The following SDC2 variants were observed in gnomAD, a reference collection of about 807,000 sequenced individuals.
SDC2 encodes the protein syndecan 2, also known as syndecan-2.
Under a neutral mutation model 22.2 loss-of-function variants are expected in SDC2, and 13 were observed. The ratio of observed to expected loss-of-function variants is 0.59; its 90% CI spans 0.38 to 0.93. SDC2 has a LOEUF of 0.93. Among genes scored for constraint, SDC2 ranks in the 40% least tolerant of loss-of-function variants. SDC2 has a pLI of 0.00. For missense variants in SDC2, 235 were observed against 246.8 expected (o/e 0.95, Z 0.32); for synonymous variants, 94 against 92.8 (o/e 1.01, Z -0.07).
In SDC2 at chr8:96,508,666, G is replaced by C. The variant is rs1337377898; in HGVS notation, c.60+14335G>C. Among the ~76,000 whole-genome samples, 3 of 141,648 alleles carry C rather than the reference G, an allele frequency of 2.1e-5. 1 individual carries two copies. The highest frequency in any genetic ancestry group is 1.4e-4 in the Admixed American group (2 of 14,256). The allele number at this position is 141,648 out of a possible 152,430, so 92.9% of individuals were successfully genotyped here. On this transcript the variant is annotated intron_variant, in intron 1 of 4. Transcript: ENST00000302190. ...CCACAGCCTTCTCCTACTATAGATAGGCATTTTCCATTCATTGTCTATAAC... is the reference window on the plus strand; with the variant it reads ...CCACAGCCTTCTCCTACTATAGATACGCATTTTCCATTCATTGTCTATAAC...
intron 3 of SDC2, among the ~76,000 whole-genome samples, chr8:96,606,128 G>T (rs1314130714): frequency 2.0e-5 from 3 of 152,110 alleles, no homozygotes; most frequent in African/African-American, 7.2e-5. Context: ...ATTATTGTCT[G>T]CAGTATTTTT....
intron 1 of SDC2, among the ~76,000 whole-genome samples, chr8:96,549,124 G>T (rs1042457480): frequency 3.3e-5 from 5 of 152,104 alleles, no homozygotes; most frequent in Non-Finnish European, 7.4e-5. Flanking sequence ...TCTGAGTATA[G>T]GAATCTAAAA....
chr8:96,602,318 T>C, intron 2 of SDC2, 77 bp from the exon 3 acceptor site: 1 of 1,452,082 alleles, frequency 6.9e-7, no homozygotes. Flanking sequence ...AGTGTCAACG[T>C]CAGGCAATAG....
intron 1 of SDC2, among the ~76,000 whole-genome samples, chr8:96,533,392 G>A (rs957124349): frequency 4.6e-5 from 7 of 152,188 alleles, no homozygotes; most frequent in South Asian, 2.1e-4. Context: ...TGATTGGTGC[G>A]TTTACAATCC....
chr8:96,515,737 C>T (rs571122663), intron 1 of SDC2, among the ~76,000 whole-genome samples: 5 of 152,108 alleles, frequency 3.3e-5, no homozygotes, highest in African/African-American at 7.2e-5. Context: ...CATGAGGCCA[C>T]GGGTATTGTA....
intron 1 of SDC2, among the ~76,000 whole-genome samples, chr8:96,560,329 T>G (rs918591022): frequency 6.6e-6 from 1 of 152,212 alleles, no homozygotes; most frequent in African/African-American, 2.4e-5. Flanking sequence ...TTTGTGAAAT[T>G]TATCCCCATA....
intron 4 of SDC2, among the ~76,000 whole-genome samples, 200 bp from the exon 5 acceptor site, chr8:96,609,185 C>T (rs943373927): frequency 3.9e-5 from 6 of 152,114 alleles, no homozygotes; most frequent in African/African-American, 1.4e-4. Context: ...TTAACACTAA[C>T]CAAAGAAATT....
chr8:96,562,775 A>C (rs566397222), intron 1 of SDC2, among the ~76,000 whole-genome samples: 3 of 152,286 alleles, frequency 2.0e-5, no homozygotes, highest in South Asian at 4.1e-4. Context: ...TTGTGCTTAA[A>C]TTGCCCCATT....
chr8:96,503,048 G>A (rs1314127941), intron 1 of SDC2, among the ~76,000 whole-genome samples: 1 of 152,148 alleles, frequency 6.6e-6, no homozygotes, highest in African/African-American at 2.4e-5. Flanking sequence ...GAGATATTGG[G>A]AATATGTTTG....
At chr8:96,594,440 G>C (rs1253870042) in intron 2 of SDC2, among the ~76,000 whole-genome samples, 1 of 152,150 alleles carries the variant, frequency 6.6e-6, no homozygotes, top group Admixed American at 6.5e-5. Flanking sequence ...ACAGCAAGTA[G>C]AAGTGTGCAA....
At chr8:96,579,685 A>G (rs1814559196) in intron 1 of SDC2, among the ~76,000 whole-genome samples, 1 of 152,260 alleles carries the variant, frequency 6.6e-6, no homozygotes, top group Non-Finnish European at 1.5e-5. Flanking sequence ...GTCATCTGCT[A>G]AAGAACTCTT....
At chr8:96,556,075 C>CAT (rs1814107606) in intron 1 of SDC2, among the ~76,000 whole-genome samples, 1 of 151,758 alleles carries the variant, frequency 6.6e-6, no homozygotes. Flanking sequence ...CACACACACA[C>CAT]ATTCAAATGT....
intron 1 of SDC2, among the ~76,000 whole-genome samples, chr8:96,520,696 G>A (rs182151244): frequency 3.9e-5 from 6 of 152,326 alleles, no homozygotes; most frequent in African/African-American, 1.4e-4. Context: ...GCCGGAACAG[G>A]CCTGGTGCCA....
At chr8:96,545,108 C>G (rs1219989668) in intron 1 of SDC2, among the ~76,000 whole-genome samples, 1 of 152,166 alleles carries the variant, frequency 6.6e-6, no homozygotes, top group African/African-American at 2.4e-5. Flanking sequence ...CCTCCTGTGG[C>G]TCTTATTGTC....
chr8:96,507,665 T>C (rs1210231719), intron 1 of SDC2, among the ~76,000 whole-genome samples: 1 of 152,212 alleles, frequency 6.6e-6, no homozygotes, highest in African/African-American at 2.4e-5. Context: ...AAAATCCTCA[T>C]GAATTAATAC....
intron 1 of SDC2, among the ~76,000 whole-genome samples, chr8:96,583,059 ATTT>A (rs60193555): frequency 0.021 from 2,219 of 107,240 alleles, 41 homozygotes; most frequent in East Asian, 0.058. Flanking sequence ...CTGAAGTGTG[ATTT>A]TTTTTTTTTT....
chr8:96,595,500 G>A (rs1277948770), intron 2 of SDC2, among the ~76,000 whole-genome samples: 1 of 146,714 alleles, frequency 6.8e-6, no homozygotes, highest in African/African-American at 2.4e-5. Context: ...TTCACTCATG[G>A]CACCTCTTTT....
chr8:96,542,740 A>G (rs533908850), intron 1 of SDC2, among the ~76,000 whole-genome samples: 7 of 152,072 alleles, frequency 4.6e-5, no homozygotes, highest in Non-Finnish European at 1.0e-4. Context: ...TTTATGTTCT[A>G]GTTCAGCTTA....
chr8:96,576,075 C>T (rs879246752), intron 1 of SDC2, among the ~76,000 whole-genome samples: 13 of 152,124 alleles, frequency 8.5e-5, no homozygotes, highest in Admixed American at 2.6e-4. Context: ...CCACCCTCCC[C>T]GATCCCCACA....
Sources: gnomAD v4.1 joint callset for allele counts (sites outside exome capture counted in the v4.1 genomes callset) on GRCh38, gnomAD v4.1.1 for gene constraint, MANE v1.5 for transcripts, NCBI Gene and HGNC (gene_info 2026-07-23, HGNC 2026-07-21) for gene names.